DSE: variants seen among roughly 807,000 people sequenced by gnomAD.
DSE encodes dermatan sulfate epimerase, also known as dermatan-sulfate epimerase.
DSE carries 36 observed loss-of-function variants against 84.4 expected under a neutral mutation model. The observed-to-expected ratio is 0.43, with a 90% CI of 0.33 to 0.56. The LOEUF (loss-of-function observed/expected upper bound fraction) is 0.56. Among genes scored for constraint, DSE ranks in the 20% least tolerant of loss-of-function variants. DSE has a pLI of 0.06. For missense variants in DSE, 862 were observed against 1,169.6 expected (o/e 0.74, Z 3.84); for synonymous variants, 410 against 430.1 (o/e 0.95, Z 0.58).
intron 2 of DSE, among the ~76,000 whole-genome samples, chr6:116,325,509 G>T (rs1466153677): frequency 6.6e-6 from 1 of 152,038 alleles, no homozygotes; most frequent in East Asian, 1.9e-4. Flanking sequence ...CAGATTTCTT[G>T]CAACTTTCAT....
At chr6:116,424,441 G>A (rs961738461) in intron 2 of DSE, among the ~76,000 whole-genome samples, 27 of 152,178 alleles carry the variant, frequency 1.8e-4, no homozygotes, top group Non-Finnish European at 3.1e-4. Context: ...GTAACCAAAT[G>A]CTGAAATTAT....
At chr6:116,263,343 C>T (rs1218839823) in intron 2 of DSE, among the ~76,000 whole-genome samples, 1 of 150,438 alleles carries the variant, frequency 6.6e-6, no homozygotes, top group African/African-American at 2.4e-5. Context: ...ACTGTTTTGC[C>T]ATTATGTAAT....
At chr6:116,382,763 G>A (rs3778002) in intron 1 of DSE, among the ~76,000 whole-genome samples, 8,945 of 152,204 alleles carry the variant, frequency 0.059, 395 homozygotes, top group East Asian at 0.2. Flanking sequence ...GTATGCAGCT[G>A]TGTGGCAAGA....
intron 1 of DSE, among the ~76,000 whole-genome samples, chr6:116,372,732 A>G (rs575456462): frequency 1.3e-5 from 2 of 152,298 alleles, no homozygotes; most frequent in East Asian, 3.9e-4. Context: ...AGAAGATAAC[A>G]GATTGAATTT....
chr6:116,305,232 T>G (rs1775276046), intron 2 of DSE, among the ~76,000 whole-genome samples: 3 of 152,104 alleles, frequency 2.0e-5, no homozygotes, highest in Admixed American at 2.0e-4. Flanking sequence ...CCCATCCCAG[T>G]AGCATCTTAG....
chr6:116,389,165 C>T (rs1367225280), intron 1 of DSE, among the ~76,000 whole-genome samples: 1 of 152,038 alleles, frequency 6.6e-6, no homozygotes, highest in Admixed American at 6.6e-5. Flanking sequence ...TTTCTAAATC[C>T]TAGGCACCAT....
intron 2 of DSE, among the ~76,000 whole-genome samples, chr6:116,289,782 A>G (rs372492775): frequency 3.9e-5 from 6 of 152,200 alleles, no homozygotes; most frequent in Admixed American, 3.9e-4. Flanking sequence ...TTGTCATAAC[A>G]CTTCATCCAT....
At chr6:116,333,908 G>A (rs527814083) in intron 2 of DSE, among the ~76,000 whole-genome samples, 1 of 152,042 alleles carries the variant, frequency 6.6e-6, no homozygotes, top group Non-Finnish European at 1.5e-5. Flanking sequence ...GGAGATCGAG[G>A]CTGCAGTGAG....
At chr6:116,318,776 C>T (rs1427290954) in intron 2 of DSE, among the ~76,000 whole-genome samples, 3 of 151,972 alleles carry the variant, frequency 2.0e-5, no homozygotes, top group Admixed American at 2.0e-4. Flanking sequence ...AGGAAATACC[C>T]AAAGAGTAAA....
intron 1 of DSE, among the ~76,000 whole-genome samples, chr6:116,386,771 G>A (rs781581058): frequency 1.1e-4 from 16 of 152,176 alleles, no homozygotes; most frequent in South Asian, 2.1e-4. Flanking sequence ...CCAAGGGCTC[G>A]TCTCTCATGA....
intron 2 of DSE, among the ~76,000 whole-genome samples, chr6:116,324,412 A>T (rs1165860596): frequency 6.6e-6 from 1 of 152,228 alleles, no homozygotes; most frequent in South Asian, 2.1e-4. Flanking sequence ...ATTATTGACA[A>T]GAATATGAGT....
At chr6:116,346,104 C>G (rs921308198) in intron 2 of DSE, among the ~76,000 whole-genome samples, 5 of 152,126 alleles carry the variant, frequency 3.3e-5, no homozygotes, top group African/African-American at 1.2e-4. Flanking sequence ...CAATAACAGG[C>G]TCTGAAATTG....
At chr6:116,410,733 C>CAAAAAAAAAAAAAAAAAAAAAAAAA (rs765969508) in intron 2 of DSE, among the ~76,000 whole-genome samples, 1 of 79,616 alleles carries the variant, frequency 1.3e-5, no homozygotes, top group African/African-American at 5.9e-5. Context: ...GACTCTGTCT[C>CAAAAAAAAAAAAAAAAAAAAAAAAA]AAAAAAAAAA....
At chr6:116,415,865 T>A (rs924161891) in intron 2 of DSE, among the ~76,000 whole-genome samples, 1 of 152,192 alleles carries the variant, frequency 6.6e-6, no homozygotes, top group African/African-American at 2.4e-5. Flanking sequence ...CTTGACTGCC[T>A]AAAAATGCAT....
At chr6:116,347,617 T>A (rs1403073065) in intron 2 of DSE, among the ~76,000 whole-genome samples, 1 of 152,206 alleles carries the variant, frequency 6.6e-6, no homozygotes, top group Non-Finnish European at 1.5e-5. Flanking sequence ...CTGGATCCCT[T>A]CCTTACACCG....
upstream of DSE, chr6:116,370,402 C>CAAAAA: frequency 3.1e-6 from 3 of 978,612 alleles, no homozygotes; most frequent in Non-Finnish European, 3.6e-6. Flanking sequence ...CCCCCTCCCA[C>CAAAAA]TAACTTCTCT....
intron 2 of DSE, among the ~76,000 whole-genome samples, chr6:116,328,103 C>T (rs1406217975): frequency 6.6e-6 from 1 of 152,148 alleles, no homozygotes; most frequent in African/African-American, 2.4e-5. Context: ...CAGGAAGCAC[C>T]AAATGGGCAT....
Position 116,438,803 on chromosome 6 carries a change from G to C in DSE, c.*1458G>C, listed in dbSNP as rs1213239635. On this transcript the variant is annotated 3_prime_UTR_variant, in exon 6 of 6. Transcript: ENST00000644252. ...CAGCAATACCAGTATGTAACCAAAAGACAAGCTAGAGAAACTTTTAAGTAC... is the reference window on the plus strand; with the variant it reads ...CAGCAATACCAGTATGTAACCAAAACACAAGCTAGAGAAACTTTTAAGTAC... The C allele has an allele frequency of 1.3e-5, 2 of 152,142 alleles. No individual in the cohort carries two copies. The highest frequency in any genetic ancestry group is 4.8e-5 in the African/African-American group (2 of 41,438). The allele number at this position is 152,142 out of a possible 1,614,324, so 9.4% of individuals were successfully genotyped here. A position where few individuals can be genotyped will look rare whatever the true frequency, so the allele number is the denominator to read the frequency against.
intron 2 of DSE, among the ~76,000 whole-genome samples, chr6:116,313,543 T>C (rs1010866290): frequency 6.6e-6 from 1 of 152,224 alleles, no homozygotes; most frequent in African/African-American, 2.4e-5. Context: ...CATCATTAAA[T>C]TCTTTTTGCA....
Sources: allele counts gnomAD v4.1 joint callset (sites outside exome capture counted in the v4.1 genomes callset), GRCh38; gene constraint gnomAD v4.1.1; transcripts MANE v1.5; gene names NCBI Gene and HGNC (gene_info 2026-07-23, HGNC 2026-07-21).